The following RFC3 variants were observed in gnomAD, a reference collection of about 807,000 sequenced individuals.
The protein encoded by RFC3 is replication factor C subunit 3.
A neutral mutation model predicts 45.1 loss-of-function variants in RFC3; 41 were observed. The observed-to-expected ratio is 0.91, with a 90% CI of 0.71 to 1.18. The LOEUF (loss-of-function observed/expected upper bound fraction) is 1.18, where lower values mean the gene tolerates loss of function less well. RFC3 is among the 50% of genes most tolerant of loss of function. The pLI is 0.00. For synonymous variants in RFC3, 149 were observed against 144.0 expected (o/e 1.03, Z -0.25); for missense variants, 423 against 428.1 (o/e 0.99, Z 0.10).
At chr13:33,867,667 C>T (rs1375868371) in intron 8 of RFC3, among the ~76,000 whole-genome samples, 1 of 152,110 alleles carries the variant, frequency 6.6e-6, no homozygotes, top group African/African-American at 2.4e-5. Flanking sequence ...ACAGGCCAGA[C>T]CCACCAGGGC....
chr13:33,915,216 T>A (rs1404596743), intron 8 of RFC3, among the ~76,000 whole-genome samples: 1 of 152,190 alleles, frequency 6.6e-6, no homozygotes, highest in Non-Finnish European at 1.5e-5. Context: ...ACAAACAGCC[T>A]TAATCCTTTG....
At chr13:33,963,131 A>C (rs1239550036) in intron 8 of RFC3, among the ~76,000 whole-genome samples, 3 of 151,610 alleles carry the variant, frequency 2.0e-5, no homozygotes, top group Admixed American at 1.3e-4. Flanking sequence ...CTTTATTTTT[A>C]AGTTATGTAT....
intron 8 of RFC3, among the ~76,000 whole-genome samples, chr13:33,956,770 A>C (rs757006371): frequency 1.7e-4 from 26 of 152,364 alleles, no homozygotes; most frequent in Middle Eastern, 3.4e-3. Context: ...CCCTGCTTTA[A>C]GTATCCACAC....
chr13:33,830,757 T>C lies in RFC3; in HGVS notation c.612T>C (p.Gly204=). The C allele has an allele frequency of 6.2e-7, 1 of 1,613,282 alleles. No homozygotes were observed. Among genetic ancestry groups the C allele is most frequent in the South Asian group, 1.1e-5 (1 of 91,032 alleles). The change falls in exon 6 of 9, where the codon GGT becomes GGC. Residue 204 remains glycine, a synonymous_variant. Transcript: ENST00000380071. ...HVLSTVCKKE[G]LNLPSQLAHR... ...TATCTACTGTGTGTAAGAAGGAAGG[T>C]CTGAATCTTCCTTCACAACTGGCTC...
chr13:33,830,653 A>AAGGGTCTATTCAT, intron 5 of RFC3, 66 bp from the exon 6 acceptor site: 10 of 1,333,896 alleles, frequency 7.5e-6, no homozygotes, highest in Non-Finnish European at 1.1e-5. Context: ...CTAGGAGGAT[A>AAGGGTCTATTCAT]TCAACAGAAA....
At chr13:33,950,387 C>T (rs866987853) in intron 8 of RFC3, among the ~76,000 whole-genome samples, 4 of 151,672 alleles carry the variant, frequency 2.6e-5, no homozygotes, top group Admixed American at 6.6e-5. Context: ...GTAAAAATAT[C>T]GATATAATGA....
rs1342019839 is a variant in RFC3 at position 33,963,462 on chromosome 13, C to T, written c.880-2625C>T. On this transcript the variant is annotated intron_variant, in intron 8 of 8. Transcript: ENST00000434425. ...TTAAAACTACCTAAACAGTAAGATACTGTAGTTGCTGAGAATCACGCTCTG... is the reference window on the plus strand; with the variant it reads ...TTAAAACTACCTAAACAGTAAGATATTGTAGTTGCTGAGAATCACGCTCTG... 2.0e-5 allele frequency among the ~76,000 whole-genome samples: 3 copies of T among 152,198 alleles called. No individual in the cohort carries two copies. The East Asian group carries it at 5.8e-4, about 29-fold the overall frequency.
chr13:33,819,833 T>C (rs555052159), intron 1 of RFC3, among the ~76,000 whole-genome samples: 1 of 152,308 alleles, frequency 6.6e-6, no homozygotes, highest in East Asian at 1.9e-4. Flanking sequence ...TATTTGCAGC[T>C]TAATCAAACT....
chr13:33,863,466 G>C (rs1370031150), intron 8 of RFC3, among the ~76,000 whole-genome samples: 3 of 152,178 alleles, frequency 2.0e-5, no homozygotes, highest in Non-Finnish European at 2.9e-5. Context: ...TTCAGGTACT[G>C]AGTGGAGCCA....
intron 8 of RFC3, among the ~76,000 whole-genome samples, chr13:33,956,528 C>G (rs2083023013): frequency 6.6e-6 from 1 of 152,208 alleles, no homozygotes; most frequent in African/African-American, 2.4e-5. Context: ...TTCTAACCTA[C>G]AAATAAAATA....
intron 8 of RFC3, among the ~76,000 whole-genome samples, chr13:33,868,472 C>T (rs538749486): frequency 6.6e-6 from 1 of 152,302 alleles, no homozygotes; most frequent in South Asian, 2.1e-4. Flanking sequence ...ATGGAAAGTA[C>T]CTTTGATTGG....
chr13:33,971,307 C>G (rs921948397), downstream of RFC3, among the ~76,000 whole-genome samples: 1 of 152,156 alleles, frequency 6.6e-6, no homozygotes, highest in East Asian at 1.9e-4. Flanking sequence ...AAGAAAGTTT[C>G]TATAACCAAC....
At chr13:33,945,406 A>G (rs754090548) in intron 8 of RFC3, among the ~76,000 whole-genome samples, 1 of 152,194 alleles carries the variant, frequency 6.6e-6, no homozygotes, top group Non-Finnish European at 1.5e-5. Flanking sequence ...ATAAATATAT[A>G]TAGAAAAAAA....
At chr13:33,974,397 T>G in the RFC3 span, among the ~76,000 whole-genome samples, 2 of 150,670 alleles carry the variant, frequency 1.3e-5, no homozygotes, top group Admixed American at 6.6e-5. Flanking sequence ...AGTCACATCT[T>G]TGTGCATCTG....
intron 1 of RFC3, among the ~76,000 whole-genome samples, chr13:33,820,375 C>T (rs1401588126): frequency 2.0e-5 from 3 of 152,220 alleles, no homozygotes; most frequent in African/African-American, 7.2e-5. Flanking sequence ...TCTTTCTTTT[C>T]CCCCATCCAC....
intron 8 of RFC3, among the ~76,000 whole-genome samples, chr13:33,941,246 T>C (rs1023398871): frequency 8.5e-5 from 13 of 152,148 alleles, no homozygotes; most frequent in African/African-American, 2.6e-4. Context: ...TTTTTTTTTT[T>C]CCTTTTTGCC....
intron 8 of RFC3, among the ~76,000 whole-genome samples, chr13:33,870,195 G>A (rs1357201123): frequency 6.6e-6 from 1 of 152,194 alleles, no homozygotes; most frequent in Non-Finnish European, 1.5e-5. Flanking sequence ...CATTTGCATG[G>A]AACTGGTGAA....
intron 7 of RFC3, among the ~76,000 whole-genome samples, chr13:33,833,522 A>T (rs900378071): frequency 6.6e-6 from 1 of 152,146 alleles, no homozygotes; most frequent in Admixed American, 6.5e-5. Context: ...AATGACACAG[A>T]CATGGTAAAT....
rs1181236252 is a variant in RFC3 at position 33,835,138 on chromosome 13, T to G, written c.810-10T>G. ...TCTTCACAAAATACCAATTATTTTGTTTTATGTAGGCTCCTTGAAGTTCGT... is the reference window on the plus strand; with the variant it reads ...TCTTCACAAAATACCAATTATTTTGGTTTATGTAGGCTCCTTGAAGTTCGT... On this transcript the variant is annotated splice_polypyrimidine_tract_variant and intron_variant, in intron 7 of 8. Transcript: ENST00000380071. 1 of 1,578,020 alleles carries G rather than the reference T, an allele frequency of 6.3e-7. No individual in the cohort carries two copies. Among genetic ancestry groups the G allele is most frequent in the South Asian group, 1.1e-5 (1 of 87,466 alleles).
Sources: allele counts gnomAD v4.1 joint callset (sites outside exome capture counted in the v4.1 genomes callset), GRCh38; gene constraint gnomAD v4.1.1; transcripts MANE v1.5; gene names NCBI Gene and HGNC (gene_info 2026-07-23, HGNC 2026-07-21).